The following SCN11A variants were observed in gnomAD, a reference collection of about 807,000 sequenced individuals.
SCN11A encodes sodium channel protein type 11 subunit alpha.
SCN11A carries 122 observed loss-of-function variants against 162.2 expected under a neutral mutation model. The observed-to-expected ratio is 0.75, with a 90% CI of 0.65 to 0.87. The LOEUF (loss-of-function observed/expected upper bound fraction) is 0.87. Ranked by LOEUF, SCN11A falls within the 40% of genes least tolerant of loss-of-function variation. SCN11A has a pLI of 0.00. For missense variants in SCN11A, 2,015 were observed against 2,181.6 expected (o/e 0.92, Z 1.52); for synonymous variants, 758 against 751.5 (o/e 1.01, Z -0.14).
chr3:38,950,489 G>A (rs1436591494), intron 4 of SCN11A, 120 bp from the exon 5 acceptor site: 10 of 988,372 alleles, frequency 1.0e-5, no homozygotes, highest in African/African-American at 9.7e-5. Flanking sequence ...AAGCTGAGCT[G>A]AGGTCAGGGG....
chr3:38,933,096 TG>T (rs1038487867), intron 7 of SCN11A, among the ~76,000 whole-genome samples: 1 of 152,228 alleles, frequency 6.6e-6, no homozygotes, highest in African/African-American at 2.4e-5. Flanking sequence ...CCACCGCTGC[TG>T]GTACCCAGGC....
intron 22 of SCN11A, among the ~76,000 whole-genome samples, chr3:38,881,498 A>G (rs145796303): frequency 6.6e-6 from 1 of 152,100 alleles, no homozygotes; most frequent in Admixed American, 6.6e-5. Context: ...CCTGCAATTG[A>G]GCTTCAGAGG....
At chr3:38,871,746 G>T (rs774659013) in intron 24 of SCN11A, 38 bp from the exon 25 acceptor site, 2 of 1,535,232 alleles carry the variant, frequency 1.3e-6, no homozygotes, top group African/African-American at 2.8e-5. Flanking sequence ...ATAACAGATG[G>T]GTAGGATGCA....
chr3:38,894,323 C>T (rs1298976667), intron 19 of SCN11A, among the ~76,000 whole-genome samples: 5 of 152,160 alleles, frequency 3.3e-5, no homozygotes, highest in Non-Finnish European at 5.9e-5. Flanking sequence ...TTTTGCTCCC[C>T]TCTGAACTCT....
At position 38,948,469 on chromosome 3, in the gene SCN11A, G is replaced by A. The variant is rs1408100209; in HGVS notation, c.268-1562C>T. Among the ~76,000 whole-genome samples, 5 of 152,258 alleles carry A rather than the reference G, an allele frequency of 3.3e-5. No individual in the cohort carries two copies. In the East Asian group the frequency reaches 9.7e-4, roughly 29 times the overall value. ...CTTTCCCCTGTTGCTCTTCAAAATGGGGCTTCCAAAGAGAAGTAGCCTGTG... is the reference window on the plus strand; with the variant it reads ...CTTTCCCCTGTTGCTCTTCAAAATGAGGCTTCCAAAGAGAAGTAGCCTGTG... On this transcript the variant is annotated intron_variant, in intron 5 of 29. Coordinates refer to ENST00000302328, the MANE Select transcript of SCN11A (RefSeq NM_001349253.2).
At chr3:38,930,768 G>T (rs765712748) in intron 7 of SCN11A, among the ~76,000 whole-genome samples, 4 of 152,180 alleles carry the variant, frequency 2.6e-5, no homozygotes, top group Non-Finnish European at 4.4e-5. Context: ...CTCCTTGTAT[G>T]AAGACATTTT....
chr3:38,968,302 G>A (rs1215066420), intron 2 of SCN11A, among the ~76,000 whole-genome samples: 1 of 152,204 alleles, frequency 6.6e-6, no homozygotes, highest in East Asian at 1.9e-4. Flanking sequence ...GGAAGGGACT[G>A]AGTGGCCCCA....
intron 16 of SCN11A, among the ~76,000 whole-genome samples, chr3:38,902,910 A>G (rs1177447317): frequency 4.6e-5 from 7 of 152,180 alleles, no homozygotes; most frequent in African/African-American, 1.7e-4. Flanking sequence ...AAAAAATAAC[A>G]CTAAATAAAA....
chr3:38,970,158 C>A (rs765989925), intron 2 of SCN11A, among the ~76,000 whole-genome samples: 13 of 152,156 alleles, frequency 8.5e-5, no homozygotes, highest in Non-Finnish European at 1.9e-4. Context: ...CTGCACAGCC[C>A]ATAGCAAGAG....
chr3:38,963,914 G>A (rs1042842862), intron 2 of SCN11A, among the ~76,000 whole-genome samples: 4 of 152,104 alleles, frequency 2.6e-5, no homozygotes, highest in South Asian at 2.1e-4. Context: ...GAACAATTAA[G>A]TCACATTTAA....
At chr3:39,020,439 T>G (rs1225006589) in intron 2 of SCN11A, among the ~76,000 whole-genome samples, 1 of 148,190 alleles carries the variant, frequency 6.7e-6, no homozygotes, top group Admixed American at 6.7e-5. Flanking sequence ...CCTGTACATT[T>G]CTCTGCTTGT....
At chr3:39,030,260 G>C (rs1290497882) in intron 2 of SCN11A, among the ~76,000 whole-genome samples, 1 of 152,218 alleles carries the variant, frequency 6.6e-6, no homozygotes, top group Non-Finnish European at 1.5e-5. Context: ...TGTAACCACT[G>C]CTGAAAACAT....
chr3:39,011,712 T>C (rs1559573493), intron 2 of SCN11A, among the ~76,000 whole-genome samples: 1 of 152,230 alleles, frequency 6.6e-6, no homozygotes, highest in Non-Finnish European at 1.5e-5. Flanking sequence ...GGAAGTCTCC[T>C]TGAAGGAGCT....
intron 25 of SCN11A, 123 bp from the exon 26 acceptor site, chr3:38,870,867 A>T: frequency 1.4e-6 from 1 of 707,576 alleles, no homozygotes. Flanking sequence ...CCAACCTTCT[A>T]GGACAGGATG....
intron 2 of SCN11A, among the ~76,000 whole-genome samples, chr3:38,998,481 A>G (rs182073063): frequency 2.0e-5 from 3 of 152,308 alleles, no homozygotes; most frequent in Non-Finnish European, 4.4e-5. Context: ...TAGTTCAACC[A>G]TTGTGGAAGT....
chr3:38,974,203 C>T (rs1240876122), intron 2 of SCN11A, among the ~76,000 whole-genome samples: 1 of 152,044 alleles, frequency 6.6e-6, no homozygotes, highest in Admixed American at 6.5e-5. Flanking sequence ...ATTAAAGAAA[C>T]AGTATTTCTA....
chr3:38,894,020 T>C (rs942666453), intron 19 of SCN11A, among the ~76,000 whole-genome samples: 2 of 152,078 alleles, frequency 1.3e-5, no homozygotes, highest in African/African-American at 4.8e-5. Context: ...ACCCAGTCTA[T>C]AATATTTTGT....
At chr3:38,882,598 A>G (rs2065327472) in intron 22 of SCN11A, among the ~76,000 whole-genome samples, 1 of 152,152 alleles carries the variant, frequency 6.6e-6, no homozygotes, top group Non-Finnish European at 1.5e-5. Flanking sequence ...AGGGAGGAGA[A>G]AGGGAGACAA....
intron 23 of SCN11A, among the ~76,000 whole-genome samples, chr3:38,875,201 T>C (rs924053971): frequency 3.3e-5 from 5 of 152,178 alleles, no homozygotes; most frequent in African/African-American, 1.2e-4. Flanking sequence ...TAAACCACAT[T>C]TGTTGAGTGC....
Sources: gnomAD v4.1 joint callset for allele counts (sites outside exome capture counted in the v4.1 genomes callset) on GRCh38, gnomAD v4.1.1 for gene constraint, MANE v1.5 for transcripts, NCBI Gene and HGNC (gene_info 2026-07-23, HGNC 2026-07-21) for gene names.